WDR36: variants seen among roughly 807,000 people sequenced by gnomAD.
WDR36 encodes WD repeat domain 36, also known as WD repeat-containing protein 36.
A neutral mutation model predicts 112.7 loss-of-function variants in WDR36; 63 were observed. That is an observed-to-expected ratio of 0.56 (90% CI 0.46 to 0.69). The LOEUF (loss-of-function observed/expected upper bound fraction) is 0.69, where lower values mean the gene tolerates loss of function less well. WDR36 is among the 30% of genes least tolerant of loss of function. WDR36 has a pLI of 0.00. For synonymous variants in WDR36, 410 were observed against 362.2 expected (o/e 1.13, Z -1.50); for missense variants, 1,226 against 1,070.3 (o/e 1.15, Z -2.03).
chr5:111,113,149 G>A lies in WDR36; in HGVS notation c.1792G>A (p.Gly598Arg). ...CSIRTWDLPS[G>R]CLIDCFLLDS... Reference sequence around the variant, plus strand: ...TATTAGGACTTGGGACCTTCCTTCTGGGTGGTAAGTTTATATTTCTAATTC... The same window carrying A: ...TATTAGGACTTGGGACCTTCCTTCTAGGTGGTAAGTTTATATTTCTAATTC... Residue 598 changes from glycine (G) to arginine (R), a missense_variant, in exon 16 of 23, where the codon GGG becomes AGG. Transcript: ENST00000513710. The A allele has an allele frequency of 1.3e-6, 2 of 1,581,578 alleles. No homozygotes were observed. The highest frequency in any genetic ancestry group is 2.2e-5 in the South Asian group (2 of 90,464).
rs1347414101 is a variant in WDR36 at position 111,097,319 on chromosome 5, T to G, written c.291+140T>G. The G allele has an allele frequency of 1.2e-5, 8 of 666,454 alleles. No individual in the cohort carries two copies. In the African/African-American group the frequency reaches 1.5e-4, roughly 12 times the overall value. 41.3% of individuals were successfully genotyped at this position (666,454 alleles called of 1,614,324 possible). On this transcript the variant is annotated intron_variant, in intron 3 of 22. Coordinates refer to ENST00000513710, the MANE Select transcript of WDR36 (RefSeq NM_139281.3). ...TTTTTTTCTAATGTATATTCAGTTT[T>G]CTGGAGGAAGATAAATTTTCAGAAA... is the stretch of plus-strand genomic sequence containing the variant.
At chr5:111,097,433 T>C (rs538428911) in intron 3 of WDR36, among the ~76,000 whole-genome samples, 8 of 152,232 alleles carry the variant, frequency 5.3e-5, no homozygotes, top group Non-Finnish European at 1.2e-4. Flanking sequence ...AAATTTTTTA[T>C]GCCGTTAGTT....
At chr5:111,109,492 C>T (rs1287275991) in intron 12 of WDR36, among the ~76,000 whole-genome samples, 2 of 151,106 alleles carry the variant, frequency 1.3e-5, no homozygotes, top group African/African-American at 4.8e-5. Context: ...TTGTATAAGT[C>T]ATCTGTTTAG....
At chr5:111,110,534 TCTC>T (rs796702881) in intron 13 of WDR36, among the ~76,000 whole-genome samples, 1 of 151,544 alleles carries the variant, frequency 6.6e-6, no homozygotes, top group East Asian at 1.9e-4. Flanking sequence ...TTTTTTTTCT[TCTC>T]TCCTTTAAGC....
chr5:111,092,591 C>T lies in WDR36; in HGVS notation c.135C>T (p.Cys45=), dbSNP rs764263611. 1.9e-6 allele frequency: 3 copies of T among 1,613,880 alleles called. No individual in the cohort carries two copies. Among genetic ancestry groups the T allele is most frequent in the Non-Finnish European group, 8.5e-7 (1 of 1,179,990 alleles). ...AGCGCCGGTTCTATGTAACAACCTG[C>T]GTGGGCAAGAGTTTCCACACCTATG... ...ALKRRFYVTT[C]VGKSFHTYDV... is the part of the protein sequence containing the mutation. Residue 45 remains cysteine (C), a synonymous_variant, in exon 1 of 23, where the codon TGC becomes TGT. Coordinates refer to ENST00000513710, the MANE Select transcript of WDR36 (RefSeq NM_139281.3).
At chr5:111,122,487 A>C (rs977611763) in intron 19 of WDR36, among the ~76,000 whole-genome samples, 2 of 152,130 alleles carry the variant, frequency 1.3e-5, no homozygotes, top group African/African-American at 4.8e-5. Context: ...TTTTCTTTAT[A>C]AGACTAGATA....
intron 21 of WDR36, among the ~76,000 whole-genome samples, chr5:111,124,915 A>G (rs1753647537): frequency 1.3e-5 from 2 of 152,198 alleles, no homozygotes; most frequent in South Asian, 4.1e-4. Flanking sequence ...TATATACTGA[A>G]GGATCTAAAA....
intron 15 of WDR36, among the ~76,000 whole-genome samples, chr5:111,112,310 C>G (rs1281522585): frequency 6.6e-6 from 1 of 152,004 alleles, no homozygotes; most frequent in Non-Finnish European, 1.5e-5. Flanking sequence ...CTTTACCTCT[C>G]AGAATCATTC....
intron 11 of WDR36, 73 bp from the exon 12 acceptor site, chr5:111,107,221 T>A: frequency 1.3e-6 from 2 of 1,532,122 alleles, no homozygotes; most frequent in South Asian, 2.4e-5. Context: ...TCTGAAATAT[T>A]GGATGCCTAA....
At chr5:111,099,472 T>C (rs1213920780) in intron 4 of WDR36, among the ~76,000 whole-genome samples, 3 of 144,816 alleles carry the variant, frequency 2.1e-5, no homozygotes, top group African/African-American at 8.0e-5. Flanking sequence ...TGTTTTTTTT[T>C]TTTTTTTTTT....
intron 6 of WDR36, 69 bp from the exon 7 acceptor site, chr5:111,103,717 T>C: frequency 1.3e-6 from 2 of 1,576,918 alleles, no homozygotes; most frequent in South Asian, 1.1e-5. Flanking sequence ...CTAATAATGA[T>C]GCGTATCATC....
chr5:111,106,773 A>G (rs1428356032), intron 11 of WDR36, among the ~76,000 whole-genome samples: 1 of 151,348 alleles, frequency 6.6e-6, no homozygotes, highest in East Asian at 1.9e-4. Context: ...TCTCCTTAAC[A>G]TGACTTTCAA....
In WDR36 at chr5:111,107,285, AC is replaced by A; in HGVS notation, c.1181-8del. ...AGTAATTTGATTTATGATTTTCATT[AC>A]GTTTTAGAGGAAGCTCGTGAAAGTG... On this transcript the variant is annotated splice_region_variant and splice_polypyrimidine_tract_variant and intron_variant, in intron 11 of 22. Transcript: ENST00000513710. 6.2e-7 allele frequency: 1 copy of A among 1,608,436 alleles called. No homozygotes were observed. Among genetic ancestry groups the A allele is most frequent in the Non-Finnish European group, 8.5e-7 (1 of 1,176,486 alleles).
In WDR36 at chr5:111,092,392, T is replaced by C; in HGVS notation, c.-65T>C. The C allele has an allele frequency of 2.5e-6, 4 of 1,614,216 alleles. No individual in the cohort carries two copies. The highest frequency in any genetic ancestry group is 3.4e-6 in the Non-Finnish European group (4 of 1,180,040). ...CAGAGGACTGTTCCACTAGACACGC[T>C]GAAGGGACTGGGTACGTGTTTTCCT... On this transcript the variant is annotated 5_prime_UTR_variant, in exon 1 of 23. Transcript: ENST00000513710.
At chr5:111,095,617 CAG>C in intron 2 of WDR36, among the ~76,000 whole-genome samples, 1 of 152,242 alleles carries the variant, frequency 6.6e-6, no homozygotes, top group African/African-American at 2.4e-5. Context: ...ATGACGTTAA[CAG>C]GGAAATATTC....
At chr5:111,104,912 C>G (rs979177838) in intron 9 of WDR36, 95 bp downstream of exon 9, 8 of 1,570,806 alleles carry the variant, frequency 5.1e-6, no homozygotes, top group South Asian at 1.1e-5. Flanking sequence ...CTTAGATTCA[C>G]ATATCTCTTT....
chr5:111,104,769 A>T lies in WDR36; in HGVS notation c.979A>T (p.Thr327Ser). 1 of 1,611,366 alleles carries T rather than the reference A, an allele frequency of 6.2e-7. No homozygotes were observed. Among genetic ancestry groups the T allele is most frequent in the Non-Finnish European group, 8.5e-7 (1 of 1,177,976 alleles). ...CAGAATGGGTCATAGTGCTCCTCTT[A>T]CCAATATCAGATATTATGGACAGAA... ...RFRMGHSAPLTNIRYYGQNGQ... is the reference protein window; with the variant it reads ...RFRMGHSAPLSNIRYYGQNGQ... Residue 327 changes from threonine (T) to serine (S), a missense_variant, in exon 9 of 23, where the codon ACC becomes TCC. Physicochemically the swap from Thr to Ser is moderately conservative, Grantham distance 58 (BLOSUM62 1). Coordinates refer to ENST00000513710, the MANE Select transcript of WDR36 (RefSeq NM_139281.3).
chr5:111,107,366 A>G lies in WDR36; in HGVS notation c.1253A>G (p.Asn418Ser). 1 of 1,610,654 alleles carries G rather than the reference A, an allele frequency of 6.2e-7. No homozygotes were observed. Among genetic ancestry groups the G allele is most frequent in the East Asian group, 2.2e-5 (1 of 44,756 alleles). Residue 418 changes from asparagine (N) to serine (S), a missense_variant, in exon 12 of 23, where the codon AAT becomes AGT. Physicochemically the swap from Asn to Ser is conservative, Grantham distance 46. Coordinates refer to ENST00000513710, the MANE Select transcript of WDR36 (RefSeq NM_139281.3). ...HQGKLSCSTW[N>S]YQKSTIGAYF... The stretch of plus-strand genomic sequence containing the variant: ...GGTAAGCTATCTTGCTCAACCTGGA[A>G]TTATCAGAAATCTACAATAGGCGCT...
intron 6 of WDR36, among the ~76,000 whole-genome samples, chr5:111,103,009 A>C (rs1165402831): frequency 6.6e-6 from 1 of 151,598 alleles, no homozygotes; most frequent in Non-Finnish European, 1.5e-5. Flanking sequence ...TCTTGCTGTC[A>C]TCAGCCTAGC....
Sources: allele counts gnomAD v4.1 joint callset (sites outside exome capture counted in the v4.1 genomes callset), GRCh38; gene constraint gnomAD v4.1.1; transcripts MANE v1.5; gene names NCBI Gene and HGNC (gene_info 2026-07-23, HGNC 2026-07-21).